VPS54: variants seen among roughly 807,000 people sequenced by gnomAD.
VPS54 encodes the protein VPS54 subunit of GARP complex, also known as vacuolar protein sorting-associated protein 54.
In VPS54, 45 loss-of-function variants were observed where a neutral mutation model predicts 121.5. The ratio of observed to expected loss-of-function variants is 0.37; its 90% CI spans 0.29 to 0.47. The LOEUF is 0.47. Ranked by LOEUF, VPS54 falls within the 20% of genes least tolerant of loss-of-function variation. VPS54 has a pLI of 0.99. For synonymous variants in VPS54, 371 were observed against 385.8 expected, an observed-to-expected ratio of 0.96 and a Z score of 0.45; for missense variants, 1,090 against 1,131.4, an observed-to-expected ratio of 0.96 and a Z score of 0.52.
chr2:63,980,045 T>C (rs1013219433), intron 3 of VPS54, among the ~76,000 whole-genome samples: 3 of 152,180 alleles, frequency 2.0e-5, no homozygotes, highest in Admixed American at 6.5e-5. Context: ...TCCTATTATT[T>C]ATTGAAAGAG....
chr2:64,009,999 G>A (rs1678354648), intron 1 of VPS54, among the ~76,000 whole-genome samples: 1 of 151,778 alleles, frequency 6.6e-6, no homozygotes, highest in Non-Finnish European at 1.5e-5. Flanking sequence ...CTGTCACCTT[G>A]CCTGCCTAAT....
At chr2:64,013,582 A>G (rs1199148309) in intron 1 of VPS54, among the ~76,000 whole-genome samples, 3 of 147,052 alleles carry the variant, frequency 2.0e-5, no homozygotes, top group Non-Finnish European at 4.5e-5. Flanking sequence ...GCATTTATAT[A>G]TAAATATATA....
chr2:63,953,427 C>A (rs945713652), intron 7 of VPS54, among the ~76,000 whole-genome samples: 8 of 152,116 alleles, frequency 5.3e-5, no homozygotes, highest in Non-Finnish European at 8.8e-5. Flanking sequence ...GCCACGCTAC[C>A]CAGCCACCCC....
chr2:63,965,005 G>A (rs980432247), intron 6 of VPS54, among the ~76,000 whole-genome samples: 2 of 152,086 alleles, frequency 1.3e-5, no homozygotes, highest in Non-Finnish European at 2.9e-5. Context: ...ATTGTAAAAC[G>A]TAAAGAACTG....
Position 63,920,566 on chromosome 2 carries a change from G to T in VPS54, c.1931C>A (p.Thr644Lys). 1 of 1,572,352 alleles carries T rather than the reference G, an allele frequency of 6.4e-7. No individual in the cohort carries two copies. Among genetic ancestry groups the T allele is most frequent in the Non-Finnish European group, 8.6e-7 (1 of 1,160,058 alleles). Residue 644 changes from threonine to lysine, a missense_variant, in exon 14 of 23, where the codon ACA (threonine) becomes AAA (lysine). This residue lies in a region of VPS54 where 801 missense variants were observed against 757.0 expected (regional missense o/e 1.06). Transcript: ENST00000272322. ...EFITLSRLME[T>K]FILDTEQICG... ...GATCTGTTCGGTGTCTAAAATGAAT[G>T]TTTCCATTAATCTAGAAAGTGTTAT...
At chr2:63,928,165 C>T (rs1674002920) in intron 12 of VPS54, among the ~76,000 whole-genome samples, 1 of 152,092 alleles carries the variant, frequency 6.6e-6, no homozygotes, top group Non-Finnish European at 1.5e-5. Flanking sequence ...ACAGAGAACA[C>T]CACAAAGATA....
chr2:63,954,173 G>A (rs1400365246), intron 7 of VPS54, among the ~76,000 whole-genome samples: 1 of 152,084 alleles, frequency 6.6e-6, no homozygotes, highest in African/African-American at 2.4e-5. Context: ...CAGGTCTGGG[G>A]TAGGAAATGC....
intron 20 of VPS54, among the ~76,000 whole-genome samples, chr2:63,900,152 G>A (rs1034160907): frequency 7.6e-5 from 11 of 145,558 alleles, no homozygotes; most frequent in African/African-American, 2.8e-4. Context: ...CCTGGGAGGT[G>A]CAGGTTGCAG....
chr2:63,975,728 G>C (rs929402929), intron 3 of VPS54: 1 of 152,158 alleles, frequency 6.6e-6, no homozygotes, highest in African/African-American at 2.4e-5. Flanking sequence ...CGAATGCTCG[G>C]GGAGACTGAT....
chr2:64,007,013 C>T (rs543888316), intron 1 of VPS54, among the ~76,000 whole-genome samples: 2 of 152,348 alleles, frequency 1.3e-5, no homozygotes, highest in African/African-American at 2.4e-5. Context: ...TCCTGAGCCT[C>T]CTCTTCTGGC....
chr2:63,945,058 A>G (rs1674915388), intron 9 of VPS54, among the ~76,000 whole-genome samples: 1 of 152,200 alleles, frequency 6.6e-6, no homozygotes, highest in African/African-American at 2.4e-5. Flanking sequence ...GAGGAATAAA[A>G]ATTGTTCTAT....
chr2:63,938,059 G>GGTGTGTGGGTGTGTGT (rs1553475200), intron 11 of VPS54, among the ~76,000 whole-genome samples: 1 of 140,384 alleles, frequency 7.1e-6, no homozygotes, highest in African/African-American at 2.8e-5. Context: ...TGGTGTGTGT[G>GGTGTGTGGGTGTGTGT]GTGTGTGTGT....
At chr2:63,923,900 C>A (rs895389616) in intron 12 of VPS54, among the ~76,000 whole-genome samples, 2 of 152,172 alleles carry the variant, frequency 1.3e-5, no homozygotes, top group Non-Finnish European at 2.9e-5. Context: ...AAAACACTTG[C>A]TACAGGAATA....
intron 1 of VPS54, among the ~76,000 whole-genome samples, chr2:63,986,573 T>TTCACAATAGCC (rs1677063512): frequency 6.6e-6 from 1 of 152,240 alleles, no homozygotes; most frequent in Non-Finnish European, 1.5e-5. Context: ...TAAATATGGA[T>TTCACAATAGCC]ATCTCTTCAA....
At chr2:63,983,425 C>A (rs977458919) in intron 2 of VPS54, among the ~76,000 whole-genome samples, 1 of 149,876 alleles carries the variant, frequency 6.7e-6, no homozygotes, top group African/African-American at 2.5e-5. Flanking sequence ...GCGTGAGCCA[C>A]CACGCCGGGC....
At chr2:63,985,043 G>T (rs1417857128) in intron 1 of VPS54, among the ~76,000 whole-genome samples, 7 of 152,224 alleles carry the variant, frequency 4.6e-5, no homozygotes, top group Non-Finnish European at 5.9e-5. Flanking sequence ...GCAGAGGCTG[G>T]CACAGTGGCT....
chr2:63,953,453 C>T (rs1178271115), intron 7 of VPS54, among the ~76,000 whole-genome samples: 1 of 152,082 alleles, frequency 6.6e-6, no homozygotes, highest in African/African-American at 2.4e-5. Context: ...AACTTTAATG[C>T]CACAAATGTA....
At chr2:64,016,344 T>TA (rs1261599602) in intron 1 of VPS54, among the ~76,000 whole-genome samples, 1 of 152,096 alleles carries the variant, frequency 6.6e-6, no homozygotes, top group East Asian at 1.9e-4. Context: ...CTAGCTCAAA[T>TA]AAAAAATTTT....
At chr2:64,010,603 A>T (rs1301746025) in intron 1 of VPS54, among the ~76,000 whole-genome samples, 1 of 152,214 alleles carries the variant, frequency 6.6e-6, no homozygotes, top group Non-Finnish European at 1.5e-5. Flanking sequence ...TGAAATGTAA[A>T]AGCCAATTTC....
Sources: allele counts gnomAD v4.1 joint callset (sites outside exome capture counted in the v4.1 genomes callset), GRCh38; gene constraint gnomAD v4.1.1; regional missense constraint gnomAD v4.1.1; transcripts MANE v1.5; gene names NCBI Gene and HGNC (gene_info 2026-07-23, HGNC 2026-07-21).